Variants in KIF3C observed in about 807,000 individuals in gnomAD.
KIF3C encodes kinesin family member 3C.
Under a neutral mutation model 67.7 loss-of-function variants are expected in KIF3C, and 12 were observed. The observed-to-expected ratio is 0.18, with a 90% CI of 0.11 to 0.29. KIF3C has a LOEUF of 0.29. KIF3C is among the 10% of genes least tolerant of loss of function. KIF3C has a pLI of 1.00. For missense variants in KIF3C, 789 were observed against 1,059.6 expected, an observed-to-expected ratio of 0.74 and a Z score of 3.55; for synonymous variants, 393 against 426.2, an observed-to-expected ratio of 0.92 and a Z score of 0.96.
chr2:25,939,024 C>T (rs1663216894), intron 5 of KIF3C, among the ~76,000 whole-genome samples: 1 of 152,126 alleles, frequency 6.6e-6, no homozygotes, highest in Non-Finnish European at 1.5e-5. Flanking sequence ...CTCCCTTCCT[C>T]ACTCTGTCAC....
rs112660461 is a variant in KIF3C, at chr2:25,930,582, T to G, written c.2007-519A>C. ...GACGAAGTTTTGCTCTTATTGCCCA[T>G]GCTGGAGTGCAATGGCATGATCTTG... On this transcript the variant is annotated intron_variant, in intron 5 of 7. Transcript: ENST00000264712. 1.3e-3 allele frequency among the ~76,000 whole-genome samples: 198 copies of G among 152,218 alleles called. 1 individual carries two copies. The highest frequency in any genetic ancestry group is 4.5e-3 in the African/African-American group (186 of 41,558).
intron 1 of KIF3C, 66 bp from the exon 2 acceptor site, chr2:25,956,510 A>G (rs1663811275): frequency 7.8e-7 from 1 of 1,277,862 alleles, no homozygotes; most frequent in African/African-American, 1.5e-5. Flanking sequence ...AGCTGGAGAG[A>G]TTTTGCTTCC....
intron 1 of KIF3C, among the ~76,000 whole-genome samples, chr2:25,957,626 T>G (rs2149235169): frequency 6.6e-6 from 1 of 152,242 alleles, no homozygotes; most frequent in Admixed American, 6.5e-5. Flanking sequence ...CTGACCTACC[T>G]GAGGGATCTC....
chr2:25,942,536 A>T (rs61643604), intron 5 of KIF3C, among the ~76,000 whole-genome samples: 1 of 151,412 alleles, frequency 6.6e-6, no homozygotes, highest in African/African-American at 2.4e-5. Flanking sequence ...TCAGCCTCCC[A>T]AGTAGCTGGA....
intron 1 of KIF3C, among the ~76,000 whole-genome samples, chr2:25,964,176 C>T (rs1222460530): frequency 1.3e-5 from 2 of 151,998 alleles, no homozygotes; most frequent in African/African-American, 4.8e-5. Flanking sequence ...GGCATGGTGG[C>T]GTGCACCTGG....
chr2:25,955,861 A>G lies in KIF3C; in HGVS notation c.1648-198T>C, dbSNP rs1663794659. Among the ~76,000 whole-genome samples, 1 of 152,030 alleles carries G rather than the reference A, an allele frequency of 6.6e-6. No individual in the cohort carries two copies. The highest frequency in any genetic ancestry group is 2.4e-5 in the African/African-American group (1 of 41,392). On this transcript the variant is annotated intron_variant, in intron 2 of 7. Coordinates refer to ENST00000264712, the MANE Select transcript of KIF3C (RefSeq NM_002254.8). This position sits in a 1 kb window ranked among gnomAD's most constrained non-coding sequence, Gnocchi z 5.0. ...CAGTTCCCAGGGCCATGCCTTTGCCAGGCTCTGCCCCATGTGGATGGAGAC... is the reference window on the plus strand; with the variant it reads ...CAGTTCCCAGGGCCATGCCTTTGCCGGGCTCTGCCCCATGTGGATGGAGAC...
chr2:25,936,013 G>C (rs1663106052), intron 5 of KIF3C, among the ~76,000 whole-genome samples: 1 of 151,880 alleles, frequency 6.6e-6, no homozygotes, highest in Non-Finnish European at 1.5e-5. Flanking sequence ...CTTGAACCCG[G>C]GAGGCGGAGG....
At chr2:25,964,494 T>G (rs1229746948) in intron 1 of KIF3C, among the ~76,000 whole-genome samples, 3 of 152,002 alleles carry the variant, frequency 2.0e-5, no homozygotes, top group Non-Finnish European at 4.4e-5. Context: ...AGAGACGGGG[T>G]CTTGCTCTGT....
intron 4 of KIF3C, among the ~76,000 whole-genome samples, chr2:25,953,007 G>A (rs1336329645): frequency 3.3e-5 from 5 of 152,032 alleles, no homozygotes; most frequent in African/African-American, 9.7e-5. Flanking sequence ...GGTGGCTCAT[G>A]CCTGTAATCC....
chr2:25,951,758 C>G, intron 5 of KIF3C, 31 bp downstream of exon 5: 1 of 1,514,608 alleles, frequency 6.6e-7, no homozygotes, highest in Non-Finnish European at 9.2e-7. Context: ...CCACAAGTCC[C>G]CCAGCCCAGA....
At position 25,928,689 on chromosome 2, in the gene KIF3C, G is replaced by C; in HGVS notation, c.*289C>G. On this transcript the variant is annotated 3_prime_UTR_variant, in exon 8 of 8. Transcript: ENST00000264712. ...ACAAGCCTGAGATCTGACTGGGGGAGCTCTCAAGTCAGAAGAAAAAGAGGC... is the reference window on the plus strand; with the variant it reads ...ACAAGCCTGAGATCTGACTGGGGGACCTCTCAAGTCAGAAGAAAAAGAGGC... The C allele has an allele frequency of 3.8e-6, 1 of 265,760 alleles. No individual in the cohort carries two copies. Among genetic ancestry groups the C allele is most frequent in the Admixed American group, 4.9e-5 (1 of 20,230 alleles). The allele number at this position is 265,760 out of a possible 1,614,324, so 16.5% of individuals were successfully genotyped here.
intron 5 of KIF3C, among the ~76,000 whole-genome samples, chr2:25,940,479 A>G (rs967096292): frequency 1.3e-5 from 2 of 151,174 alleles, no homozygotes; most frequent in Admixed American, 1.3e-4. Context: ...GCTGAGGCGG[A>G]AGAATCGCTT....
intron 5 of KIF3C, among the ~76,000 whole-genome samples, chr2:25,942,147 C>G (rs1055769152): frequency 6.6e-6 from 1 of 152,022 alleles, no homozygotes; most frequent in Non-Finnish European, 1.5e-5. Context: ...CACCTGAGGT[C>G]AGGAGTTCGA....
intron 1 of KIF3C, among the ~76,000 whole-genome samples, chr2:25,964,954 G>A (rs1322191786): frequency 1.3e-5 from 2 of 152,132 alleles, no homozygotes; most frequent in Non-Finnish European, 2.9e-5. Context: ...TTCCGCGTTG[G>A]ATCTCCTCTG....
At chr2:25,968,363 C>T (rs1258560799) in intron 1 of KIF3C, among the ~76,000 whole-genome samples, 1 of 152,144 alleles carries the variant, frequency 6.6e-6, no homozygotes, top group Non-Finnish European at 1.5e-5. Context: ...GCGAGCTGGA[C>T]TCCAGTACCA....
chr2:25,958,580 C>CA lies in KIF3C; in HGVS notation c.1546-2137dup, dbSNP rs550885993. Among the ~76,000 whole-genome samples, 7 of 151,302 alleles carry CA rather than the reference C, an allele frequency of 4.6e-5. No individual in the cohort carries two copies. Among genetic ancestry groups the CA allele is most frequent in the Non-Finnish European group, 7.4e-5 (5 of 67,794 alleles). ...TGGGTGCCAGAGTGAGACTTCATCA[C>CA]AAAAAACAAAAAACAAAAAACAGCA... On this transcript the variant is annotated intron_variant, in intron 1 of 7. Transcript: ENST00000264712. The surrounding 1 kb of genome is among the most constrained non-coding windows in gnomAD (Gnocchi z 4.5).
rs760627813 is a variant in KIF3C, at chr2:25,956,297, C to T, written c.1647+46G>A. On this transcript the variant is annotated intron_variant, in intron 2 of 7. Transcript: ENST00000264712. The stretch of plus-strand genomic sequence containing the variant: ...CGGCCCTGCACCTCCCAGACATGAG[C>T]TGCAGGCCACACTCTCCAAGGGGAC... The T allele has an allele frequency of 1.4e-5, 19 of 1,392,232 alleles. No individual in the cohort carries two copies. The East Asian group carries it at 1.8e-4, about 13-fold the overall frequency. The allele number at this position is 1,392,232 out of a possible 1,614,324, so 86.2% of individuals were successfully genotyped here. A position where few individuals can be genotyped will look rare whatever the true frequency, so the allele number is the denominator to read the frequency against.
chr2:25,936,114 CA>C (rs1663119325), intron 5 of KIF3C, among the ~76,000 whole-genome samples: 1 of 151,166 alleles, frequency 6.6e-6, no homozygotes, highest in South Asian at 2.1e-4. Flanking sequence ...CAAAACAAAA[CA>C]AAAAAATTTG....
intron 5 of KIF3C, among the ~76,000 whole-genome samples, chr2:25,937,089 A>G (rs1174025464): frequency 6.6e-6 from 1 of 152,220 alleles, no homozygotes; most frequent in Non-Finnish European, 1.5e-5. Flanking sequence ...GGCTTAACAC[A>G]TGGCAGCTGT....
Sources: allele counts gnomAD v4.1 joint callset (sites outside exome capture counted in the v4.1 genomes callset), GRCh38; gene constraint gnomAD v4.1.1; non-coding constraint Gnocchi (gnomAD v3.1); transcripts MANE v1.5; gene names NCBI Gene and HGNC (gene_info 2026-07-23, HGNC 2026-07-21).